The following TNS3 variants were observed in gnomAD, a reference collection of about 807,000 sequenced individuals.
The protein encoded by TNS3 is tensin-3.
A neutral mutation model predicts 140.9 loss-of-function variants in TNS3; 45 were observed. The observed-to-expected ratio is 0.32, with a 90% confidence interval of 0.25 to 0.41. The LOEUF (loss-of-function observed/expected upper bound fraction) is 0.41. Ranked by LOEUF, TNS3 falls within the 10% of genes least tolerant of loss-of-function variation. The pLI is 1.00. For synonymous variants in TNS3, 815 were observed against 788.4 expected (o/e 1.03, Z -0.56); for missense variants, 1,716 against 1,906.7 (o/e 0.90, Z 1.86).
chr7:47,278,192 C>T lies in TNS3; in HGVS notation c.4222G>A (p.Gly1408Ser), dbSNP rs1784955145. The change falls in exon 31 of 31, where the codon GGC (glycine) becomes AGC (serine). Residue 1408 changes from glycine to serine, a missense_variant. Physicochemically the swap from Gly to Ser is moderately conservative, Grantham distance 56 (BLOSUM62 0). Transcript: ENST00000311160. ...TGGCACACATTATCCGTGGCACTGC[C>T]CTGCTTCCGGGCCACAAATCCAAAG... ...KVFGFVARKQGSATDNVCHLF... is the reference protein window; with the variant it reads ...KVFGFVARKQSSATDNVCHLF... 4 of 1,614,128 alleles carry T rather than the reference C, an allele frequency of 2.5e-6. No individual in the cohort carries two copies. Among genetic ancestry groups the T allele is most frequent in the Non-Finnish European group, 3.4e-6 (4 of 1,180,020 alleles).
chr7:47,284,415 C>G (rs1252435476), intron 27 of TNS3, among the ~76,000 whole-genome samples: 1 of 152,222 alleles, frequency 6.6e-6, no homozygotes, highest in Admixed American at 6.5e-5. Context: ...CCGGCCTCAC[C>G]TGTGTCCTGG....
intron 3 of TNS3, among the ~76,000 whole-genome samples, chr7:47,490,866 T>C (rs767043804): frequency 6.6e-6 from 1 of 152,116 alleles, no homozygotes; most frequent in African/African-American, 2.4e-5. Context: ...AGAACAGAAA[T>C]AGTGTGCCCA....
intron 23 of TNS3, among the ~76,000 whole-genome samples, chr7:47,301,025 A>G (rs1053127337): frequency 2.0e-5 from 3 of 152,182 alleles, no homozygotes; most frequent in Admixed American, 2.0e-4. Context: ...GCAGAATTTC[A>G]GTGGAGAGCT....
chr7:47,451,216 C>T (rs915535045), intron 4 of TNS3, among the ~76,000 whole-genome samples: 1 of 152,162 alleles, frequency 6.6e-6, no homozygotes, highest in African/African-American at 2.4e-5. Context: ...CCTGGGTGTC[C>T]CCAGGGCCTG....
At chr7:47,398,586 AG>A (rs1792967050) in intron 15 of TNS3, among the ~76,000 whole-genome samples, 1 of 152,230 alleles carries the variant, frequency 6.6e-6, no homozygotes, top group Non-Finnish European at 1.5e-5. Flanking sequence ...ATGTCATTTC[AG>A]TAGATGTGAA....
In TNS3 at chr7:47,291,940, G is replaced by A; in HGVS notation, c.3928+15C>T. 1 of 1,613,790 alleles carries A rather than the reference G, an allele frequency of 6.2e-7. No homozygotes were observed. Among genetic ancestry groups the A allele is most frequent in the Non-Finnish European group, 8.5e-7 (1 of 1,179,810 alleles). On this transcript the variant is annotated intron_variant, in intron 27 of 30. Transcript: ENST00000311160. ...CCCAGTCACCAGATGTAGAAATGGAGCTGCATTTACTGACCTGCCCCCTGC... is the reference window on the plus strand; with the variant it reads ...CCCAGTCACCAGATGTAGAAATGGAACTGCATTTACTGACCTGCCCCCTGC...
At chr7:47,340,016 T>C (rs1014453903) in intron 20 of TNS3, among the ~76,000 whole-genome samples, 5 of 143,862 alleles carry the variant, frequency 3.5e-5, no homozygotes, top group African/African-American at 1.3e-4. Flanking sequence ...CTCTATGTCC[T>C]TTTCATAAAT....
intron 2 of TNS3, among the ~76,000 whole-genome samples, chr7:47,525,643 C>A (rs531233033): frequency 6.6e-6 from 1 of 152,258 alleles, no homozygotes; most frequent in African/African-American, 2.4e-5. Flanking sequence ...TGTTCCCTCA[C>A]AATGTGGAAT....
chr7:47,320,800 C>G (rs1787691351), intron 20 of TNS3, among the ~76,000 whole-genome samples: 1 of 152,176 alleles, frequency 6.6e-6, no homozygotes, highest in Admixed American at 6.5e-5. Context: ...ACAATTCAGC[C>G]TAACACGAAT....
chr7:47,426,790 T>C (rs1189539570), intron 9 of TNS3, among the ~76,000 whole-genome samples: 1 of 152,158 alleles, frequency 6.6e-6, no homozygotes, highest in African/African-American at 2.4e-5. Context: ...CCACAGTGCA[T>C]GGAACTTCGG....
chr7:47,568,646 C>T (rs1800482800), intron 1 of TNS3, among the ~76,000 whole-genome samples: 1 of 152,264 alleles, frequency 6.6e-6, no homozygotes, highest in Admixed American at 6.5e-5. Context: ...CTGCGGTGTG[C>T]ATCTTCTATG....
intron 2 of TNS3, among the ~76,000 whole-genome samples, chr7:47,518,458 T>C (rs1386700711): frequency 2.6e-5 from 4 of 152,192 alleles, no homozygotes; most frequent in African/African-American, 9.7e-5. Context: ...CCTAAAACTC[T>C]TGAAGTTTTC....
chr7:47,533,429 C>CCTTT (rs531596121), intron 1 of TNS3, among the ~76,000 whole-genome samples: 17 of 144,098 alleles, frequency 1.2e-4, no homozygotes, highest in Non-Finnish European at 1.5e-4. Flanking sequence ...CGCACCTGGC[C>CCTTT]TTTTTTTTTT....
intron 4 of TNS3, among the ~76,000 whole-genome samples, chr7:47,480,071 C>T (rs183848127): frequency 7.9e-5 from 12 of 152,330 alleles, no homozygotes; most frequent in Admixed American, 4.6e-4. Context: ...ACACGGGCGC[C>T]GCTGGCCGAG....
intron 4 of TNS3, among the ~76,000 whole-genome samples, chr7:47,477,962 A>G (rs543773094): frequency 6.6e-6 from 1 of 152,260 alleles, no homozygotes; most frequent in South Asian, 2.1e-4. Context: ...CCTCCATGCC[A>G]GGAGGAAGAC....
At chr7:47,310,110 G>C (rs978364002) in intron 20 of TNS3, among the ~76,000 whole-genome samples, 2 of 152,138 alleles carry the variant, frequency 1.3e-5, no homozygotes, top group South Asian at 2.1e-4. Flanking sequence ...AGCTACCAAG[G>C]CACCAGTTCT....
intron 1 of TNS3, among the ~76,000 whole-genome samples, chr7:47,553,792 A>C (rs905457415): frequency 1.6e-4 from 24 of 151,672 alleles, no homozygotes; most frequent in Non-Finnish European, 3.2e-4. Flanking sequence ...TTCAACTCTT[A>C]CTTTTTTTTT....
rs916672017 is a variant in TNS3, at chr7:47,438,352, A to G, written c.151-1039T>C. Among the ~76,000 whole-genome samples, 9 of 152,120 alleles carry G rather than the reference A, an allele frequency of 5.9e-5. No homozygotes were observed. The South Asian group carries it at 1.7e-3, about 28-fold the overall frequency. ...GGCCCTCTGCATGGTCTCTTTGGGG[A>G]AGGGGGACTGGGGAAGAGGGGAAGG... On this transcript the variant is annotated intron_variant, in intron 6 of 30. Coordinates refer to ENST00000311160, the MANE Select transcript of TNS3 (RefSeq NM_022748.12).
intron 4 of TNS3, among the ~76,000 whole-genome samples, chr7:47,464,115 C>T (rs1796602970): frequency 6.6e-6 from 1 of 152,148 alleles, no homozygotes; most frequent in Non-Finnish European, 1.5e-5. Flanking sequence ...TTCCTCCTGA[C>T]AAGGAAGCTC....
Sources: gnomAD v4.1 joint callset for allele counts (sites outside exome capture counted in the v4.1 genomes callset) on GRCh38, gnomAD v4.1.1 for gene constraint, MANE v1.5 for transcripts, NCBI Gene and HGNC (gene_info 2026-07-23, HGNC 2026-07-21) for gene names.